SCARA5: variants seen among roughly 807,000 people sequenced by gnomAD.
SCARA5 encodes scavenger receptor class A, member 5 (putative).
SCARA5 carries 45 observed loss-of-function variants against 46.3 expected under a neutral mutation model. That is an observed-to-expected ratio of 0.97 (90% CI 0.76 to 1.24). The LOEUF is 1.24. Among genes scored for constraint, SCARA5 ranks in the 50% most tolerant of loss-of-function variants. The pLI is 0.00. For synonymous variants in SCARA5, 333 were observed against 306.5 expected, an observed-to-expected ratio of 1.09 and a Z score of -0.90; for missense variants, 680 against 689.0, an observed-to-expected ratio of 0.99 and a Z score of 0.15.
intron 7 of SCARA5, among the ~76,000 whole-genome samples, chr8:27,895,546 G>C (rs1807050280): frequency 6.6e-6 from 1 of 152,196 alleles, no homozygotes. Flanking sequence ...CAGTTCTCAT[G>C]GGGTCTTTGC....
At chr8:27,877,902 C>G (rs1806750152) in intron 8 of SCARA5, among the ~76,000 whole-genome samples, 1 of 152,218 alleles carries the variant, frequency 6.6e-6, no homozygotes, top group South Asian at 2.1e-4. Flanking sequence ...CTGCAGCAGC[C>G]CCTTATGGGG....
In SCARA5 at chr8:27,904,812, CTCTCCTTTT is replaced by C. The variant is rs1305814716; in HGVS notation, c.1110_1118del (p.Glu376_Gly378del). 1.9e-6 allele frequency: 3 copies of C among 1,612,944 alleles called. No individual in the cohort carries two copies. Among genetic ancestry groups the C allele is most frequent in the South Asian group, 2.2e-5 (2 of 90,874 alleles). ...CAGCTCTGTCTCCTTTCTCTCCTTT[CTCTCCTTTT>C]GGGCCTCGGTCACCTAAAACAGAGG... is the stretch of plus-strand genomic sequence containing the variant. On this transcript the variant is annotated inframe_deletion, in exon 7 of 9. Coordinates refer to ENST00000354914, the MANE Select transcript of SCARA5 (RefSeq NM_173833.6).
rs577877518 is a variant in SCARA5 at position 27,939,045 on chromosome 8, C to T, written c.242-16800G>A. On this transcript the variant is annotated intron_variant, in intron 3 of 8. Coordinates refer to ENST00000354914, the MANE Select transcript of SCARA5 (RefSeq NM_173833.6). ...CATTCAGCACCTACTGATTGTCAGG[C>T]ACTATGTTGGCCACTTTATACCATA... Among the ~76,000 whole-genome samples the T allele has an allele frequency of 2.0e-5, 3 of 152,290 alleles. No individual in the cohort carries two copies. The East Asian group carries it at 5.8e-4, about 29-fold the overall frequency.
chr8:27,926,711 G>A (rs1446273103), intron 3 of SCARA5, among the ~76,000 whole-genome samples: 4 of 152,348 alleles, frequency 2.6e-5, no homozygotes, highest in East Asian at 3.8e-4. Flanking sequence ...GATCTCAAGT[G>A]TGAGATGGTG....
chr8:27,982,861 G>A (rs992006890), intron 2 of SCARA5, among the ~76,000 whole-genome samples: 1 of 152,202 alleles, frequency 6.6e-6, no homozygotes, highest in Non-Finnish European at 1.5e-5. Context: ...AGTGAAGAAA[G>A]GGAAGGGATA....
chr8:27,985,865 G>A (rs991709590), intron 2 of SCARA5, among the ~76,000 whole-genome samples: 5 of 152,224 alleles, frequency 3.3e-5, no homozygotes, highest in African/African-American at 4.8e-5. Flanking sequence ...CCCAGAAGGC[G>A]CAGTGGCTAG....
At chr8:27,972,086 G>A (rs1296947384) in intron 2 of SCARA5, among the ~76,000 whole-genome samples, 1 of 152,136 alleles carries the variant, frequency 6.6e-6, no homozygotes, top group Non-Finnish European at 1.5e-5. Context: ...GGAGGCCGAG[G>A]CAGATGGATG....
chr8:27,942,018 AGGGTTTT>A (rs1807954405), intron 3 of SCARA5, among the ~76,000 whole-genome samples: 1 of 151,758 alleles, frequency 6.6e-6, no homozygotes, highest in Non-Finnish European at 1.5e-5. Context: ...TAGAAGAGAC[AGGGTTTT>A]GCCATGTTGC....
At position 27,966,405 on chromosome 8, in the gene SCARA5, T is replaced by C; in HGVS notation, c.241+9A>G. On this transcript the variant is annotated intron_variant, in intron 3 of 8. Transcript: ENST00000354914. ...CCAAAAGACCAGGACAAAAATGGCC[T>C]GCTCTTACCTGCTAAGATGAAGATG... 1 of 1,593,040 alleles carries C rather than the reference T, an allele frequency of 6.3e-7. No individual in the cohort carries two copies. The highest frequency in any genetic ancestry group is 1.8e-5 in the Admixed American group (1 of 54,146).
chr8:27,969,790 A>C (rs1808420965), intron 2 of SCARA5, among the ~76,000 whole-genome samples: 1 of 152,180 alleles, frequency 6.6e-6, no homozygotes. Flanking sequence ...TGTACTTTCC[A>C]TTTGCCTTTG....
intron 5 of SCARA5, 90 bp from the exon 6 acceptor site, chr8:27,907,336 C>G (rs1807280541): frequency 1.2e-6 from 1 of 820,802 alleles, no homozygotes; most frequent in Non-Finnish European, 2.0e-6. Context: ...CTCAGCCTCC[C>G]CCATGCATCC....
At chr8:27,966,357 G>A (rs1808367264) in intron 3 of SCARA5, 57 bp downstream of exon 3, 3 of 1,519,462 alleles carry the variant, frequency 2.0e-6, no homozygotes, top group Non-Finnish European at 8.8e-7. Flanking sequence ...AAGAGTGGAA[G>A]CTCCAGGTCT....
intron 4 of SCARA5, among the ~76,000 whole-genome samples, chr8:27,914,208 G>T (rs1807424480): frequency 2.0e-5 from 3 of 152,194 alleles, no homozygotes; most frequent in Middle Eastern, 6.3e-3. Context: ...TTCACCTCCT[G>T]CCATGATTGT....
chr8:27,952,425 C>T lies in SCARA5; in HGVS notation c.241+13989G>A, dbSNP rs17058316. ...GGAGATCAAGGGTTGGGGTGGAGAT[C>T]CCAGTCTTTATGGACCAAGTCCTTG... On this transcript the variant is annotated intron_variant, in intron 3 of 8. Transcript: ENST00000354914. Among the ~76,000 whole-genome samples, 558 of 152,268 alleles carry T rather than the reference C, an allele frequency of 3.7e-3. 7 individuals are homozygous for T. The highest frequency in any genetic ancestry group is 0.014 in the Admixed American group (209 of 15,306).
At chr8:27,963,828 C>T (rs1808325614) in intron 3 of SCARA5, among the ~76,000 whole-genome samples, 1 of 152,082 alleles carries the variant, frequency 6.6e-6, no homozygotes, top group Admixed American at 6.5e-5. Flanking sequence ...TTGCTAATCC[C>T]ATATTCAGAT....
intron 7 of SCARA5, 49 bp downstream of exon 7, chr8:27,904,729 T>G (rs1390160530): frequency 6.6e-7 from 1 of 1,518,974 alleles, no homozygotes; most frequent in Middle Eastern, 1.7e-4. Context: ...GGGGGACAGC[T>G]AGCCCTGTGC....
At chr8:27,964,380 A>G (rs1297586027) in intron 3 of SCARA5, among the ~76,000 whole-genome samples, 1 of 152,160 alleles carries the variant, frequency 6.6e-6, no homozygotes, top group Non-Finnish European at 1.5e-5. Flanking sequence ...GTACCCAGAA[A>G]CTTCAGGTTC....
chr8:27,928,070 C>G (rs182790900), intron 3 of SCARA5, among the ~76,000 whole-genome samples: 1 of 152,180 alleles, frequency 6.6e-6, no homozygotes, highest in African/African-American at 2.4e-5. Flanking sequence ...AGGGCAGCCT[C>G]CTTTTTTGGG....
At chr8:27,969,173 C>CT (rs556501515) in intron 2 of SCARA5, among the ~76,000 whole-genome samples, 4 of 151,718 alleles carry the variant, frequency 2.6e-5, no homozygotes, top group South Asian at 4.2e-4. Context: ...CATTTATGGA[C>CT]TTTTTTTTTC....
Sources: gnomAD v4.1 joint callset for allele counts (sites outside exome capture counted in the v4.1 genomes callset) on GRCh38, gnomAD v4.1.1 for gene constraint, MANE v1.5 for transcripts, NCBI Gene and HGNC (gene_info 2026-07-23, HGNC 2026-07-21) for gene names.